Variants in TDRD12 observed in about 807,000 individuals in gnomAD.
TDRD12 encodes tudor domain containing 12.
Under a neutral mutation model 133.5 loss-of-function variants are expected in TDRD12, and 158 were observed. That is an observed-to-expected ratio of 1.18 (90% CI 1.04 to 1.35). The LOEUF is 1.35. Ranked by LOEUF, TDRD12 falls within the 40% of genes most tolerant of loss-of-function variation. TDRD12 has a pLI of 0.00. For synonymous variants in TDRD12, 460 were observed against 477.9 expected (o/e 0.96, Z 0.49); for missense variants, 1,443 against 1,321.3 (o/e 1.09, Z -1.43).
chr19:32,772,780 C>T, exon 9 of TDRD12: 1 of 1,515,590 alleles, frequency 6.6e-7, no homozygotes, highest in South Asian at 1.3e-5. Context: ...AATATGGATT[C>T]ATTGAGAGAT....
intron 4 of TDRD12, among the ~76,000 whole-genome samples, chr19:32,743,769 C>G (rs1316655250): frequency 2.0e-5 from 3 of 152,120 alleles, no homozygotes; most frequent in Non-Finnish European, 4.4e-5. Context: ...TGGCTTACAC[C>G]TGTAATTCCA....
downstream of TDRD12, chr19:32,821,380 G>GTGTA (rs1967383872): frequency 1.8e-5 from 5 of 282,436 alleles, no homozygotes; most frequent in Non-Finnish European, 2.4e-5. Flanking sequence ...GTGTGTGTGT[G>GTGTA]TGTGTGTGTG....
exon 26 of TDRD12, chr19:32,815,547 C>T: frequency 6.5e-7 from 1 of 1,536,308 alleles, no homozygotes; most frequent in Non-Finnish European, 8.7e-7. Flanking sequence ...TAATCCAGAA[C>T]ACATAGAACA....
chr19:32,800,618 A>G, intron 17 of TDRD12, 26 bp from the exon 18 acceptor site: 2 of 1,514,754 alleles, frequency 1.3e-6, no homozygotes, highest in South Asian at 1.3e-5. Flanking sequence ...TTAAAAAGTC[A>G]CATTGTTTCT....
intron 16 of TDRD12, among the ~76,000 whole-genome samples, chr19:32,799,818 T>A (rs1971334687): frequency 7.6e-6 from 1 of 131,176 alleles, no homozygotes; most frequent in South Asian, 2.7e-4. Flanking sequence ...CACTGTAACC[T>A]CCACCTCCCG....
chr19:32,734,841 C>T (rs568907373), intron 2 of TDRD12, among the ~76,000 whole-genome samples: 23 of 152,232 alleles, frequency 1.5e-4, no homozygotes, highest in Admixed American at 1.4e-3. Flanking sequence ...CTTGGTAATT[C>T]TCCCAGTGTT....
intron 8 of TDRD12, among the ~76,000 whole-genome samples, chr19:32,758,657 A>G (rs1970063821): frequency 1.3e-5 from 2 of 152,182 alleles, no homozygotes; most frequent in Non-Finnish European, 2.9e-5. Flanking sequence ...AGTCAGGGCC[A>G]GGTGCAGTGG....
intron 4 of TDRD12, among the ~76,000 whole-genome samples, chr19:32,744,573 A>G (rs1007150802): frequency 2.6e-5 from 4 of 151,262 alleles, no homozygotes; most frequent in South Asian, 2.1e-4. Context: ...GTAGAGGCAT[A>G]TATATATACG....
chr19:32,721,165 G>T (rs2145396188), intron 1 of TDRD12, among the ~76,000 whole-genome samples: 1 of 152,234 alleles, frequency 6.6e-6, no homozygotes, highest in Middle Eastern at 3.4e-3. Flanking sequence ...CCTCGGGGAA[G>T]GGACGCCCGC....
chr19:32,742,738 A>G (rs1969468814), intron 3 of TDRD12, 43 bp from the exon 4 acceptor site: 2 of 1,533,602 alleles, frequency 1.3e-6, no homozygotes, highest in Non-Finnish European at 1.8e-6. Context: ...TATGTTATAT[A>G]TAATTTTCTA....
intron 25 of TDRD12, among the ~76,000 whole-genome samples, chr19:32,814,700 G>A (rs1431136267): frequency 1.3e-5 from 2 of 152,202 alleles, no homozygotes; most frequent in East Asian, 1.9e-4. Flanking sequence ...ACTGCAGCAC[G>A]TGTGGCAGTG....
At chr19:32,763,005 C>T (rs1970194309) in intron 8 of TDRD12, among the ~76,000 whole-genome samples, 1 of 152,072 alleles carries the variant, frequency 6.6e-6, no homozygotes, top group Non-Finnish European at 1.5e-5. Flanking sequence ...GTTATCTAAA[C>T]CAATTTAAAC....
chr19:32,723,260 T>A (rs114438301), intron 1 of TDRD12, among the ~76,000 whole-genome samples: 1 of 151,442 alleles, frequency 6.6e-6, no homozygotes, highest in Non-Finnish European at 1.5e-5. Context: ...ACTATTTTGT[T>A]TTTTTTTTGA....
intron 4 of TDRD12, among the ~76,000 whole-genome samples, chr19:32,744,286 A>C (rs982765342): frequency 6.6e-6 from 1 of 151,812 alleles, no homozygotes; most frequent in Non-Finnish European, 1.5e-5. Flanking sequence ...GGATCACTTG[A>C]GGTCAGGAGT....
intron 6 of TDRD12, among the ~76,000 whole-genome samples, chr19:32,751,938 A>G (rs747237781): frequency 2.6e-5 from 4 of 151,990 alleles, no homozygotes; most frequent in Admixed American, 2.0e-4. Context: ...CAGTGGCGCA[A>G]TCTCAGCTCA....
chr19:32,803,045 G>A (rs1412429820), exon 21 of TDRD12: 1 of 1,536,116 alleles, frequency 6.5e-7, no homozygotes, highest in East Asian at 2.4e-5. Flanking sequence ...GGTCCCCGCA[G>A]AGCTGTACGA....
At chr19:32,820,931 C>G (rs1049987077) in intron 27 of TDRD12, 102 bp from the exon 28 acceptor site, 2 of 912,696 alleles carry the variant, frequency 2.2e-6, no homozygotes, top group African/African-American at 3.3e-5. Flanking sequence ...GGTCTGACTC[C>G]ACGGCCACAG....
At chr19:32,802,944 A>T in exon 21 of TDRD12, 1 of 1,535,760 alleles carries the variant, frequency 6.5e-7, no homozygotes, top group Non-Finnish European at 8.7e-7. Flanking sequence ...GAACAGGGAG[A>T]TAAGAAAGCC....
rs1970714000 is a variant in TDRD12 at position 32,779,990 on chromosome 19, T to C, written c.1121+2761T>C. 1.3e-5 allele frequency among the ~76,000 whole-genome samples: 2 copies of C among 152,150 alleles called. 1 individual carries two copies. The highest frequency in any genetic ancestry group is 4.1e-4 in the South Asian group (2 of 4,820). ...ATATTCATTCTTTATTCTTCTGTTG[T>C]CTTCCTTTAAACATTTTAACATCAG... On this transcript the variant is annotated intron_variant, in intron 11 of 27. Coordinates refer to ENST00000444215, the Ensembl canonical transcript of TDRD12.
Sources: gnomAD v4.1 joint callset for allele counts (sites outside exome capture counted in the v4.1 genomes callset) on GRCh38, gnomAD v4.1.1 for gene constraint, MANE v1.5 for transcripts, NCBI Gene and HGNC (gene_info 2026-07-23, HGNC 2026-07-21) for gene names.